The following NUP88 variants were observed in gnomAD, a reference collection of about 807,000 sequenced individuals.
NUP88 encodes nuclear pore complex protein Nup88.
Under a neutral mutation model 93.9 loss-of-function variants are expected in NUP88, and 57 were observed. The ratio of observed to expected loss-of-function variants is 0.61; its 90% confidence interval spans 0.49 to 0.76. The LOEUF (loss-of-function observed/expected upper bound fraction) is 0.76. Among genes scored for constraint, NUP88 ranks in the 30% least tolerant of loss-of-function variants. The probability of loss-of-function intolerance (pLI) is 0.00; values close to 1 mark genes in which losing one functional copy is unlikely to be tolerated. For synonymous variants in NUP88, 346 were observed against 336.8 expected (o/e 1.03, Z -0.30); for missense variants, 911 against 901.0 (o/e 1.01, Z -0.14).
rs557670327 is a variant in NUP88 at position 5,387,041 on chromosome 17, C to T, written c.1986G>A (p.Lys662=). Residue 662 remains lysine (K), a synonymous_variant, in exon 15 of 17, where the codon AAG becomes AAA. Transcript: ENST00000573584. The stretch of plus-strand genomic sequence containing the variant: ...GATCAGGTATCAGCTGTAATTCTTT[C>T]TTCATGTCTCGCTCACTATCAGAGA... The part of the protein sequence containing the change: ...PVLSDSERDM[K]KELQLIPDQL... The T allele has an allele frequency of 3.7e-5, 60 of 1,614,112 alleles. No individual in the cohort carries two copies. The Admixed American group carries it at 4.7e-4, about 13-fold the overall frequency.
In NUP88 at chr17:5,419,468, GACC is replaced by G. The variant is rs1324447511; in HGVS notation, c.180_182del (p.Val61del). The G allele has an allele frequency of 6.2e-7, 1 of 1,614,030 alleles. No individual in the cohort carries two copies. The highest frequency in any genetic ancestry group is 1.7e-5 in the Admixed American group (1 of 60,026). ...GGAAAAGCTCTCCGCCGAGGCCAAA[GACC>G]ACGTTTCTCGTCAGCAACTGCGGCG... On this transcript the variant is annotated inframe_deletion, in exon 1 of 17. Coordinates refer to ENST00000573584, the MANE Select transcript of NUP88 (RefSeq NM_002532.6).
At chr17:5,407,849 TTAC>T (rs1913587999) in intron 5 of NUP88, among the ~76,000 whole-genome samples, 1 of 152,210 alleles carries the variant, frequency 6.6e-6, no homozygotes, top group Non-Finnish European at 1.5e-5. Flanking sequence ...CTCTGTTCTA[TTAC>T]CACCCAAGTT....
chr17:5,413,820 T>C (rs963568544), intron 3 of NUP88, among the ~76,000 whole-genome samples, 189 bp downstream of exon 3: 2 of 152,164 alleles, frequency 1.3e-5, no homozygotes, highest in Admixed American at 6.5e-5. Flanking sequence ...GGAAGACTAG[T>C]TGAGAAGGAA....
chr17:5,394,746 ACT>A (rs1912663326), intron 9 of NUP88, 143 bp downstream of exon 9: 2 of 597,314 alleles, frequency 3.3e-6, no homozygotes, highest in East Asian at 6.0e-5. Flanking sequence ...TGAGCAGGAC[ACT>A]CTTAGGGGAG....
intron 1 of NUP88, among the ~76,000 whole-genome samples, chr17:5,418,875 C>A (rs1914382298): frequency 6.6e-6 from 1 of 152,156 alleles, no homozygotes; most frequent in African/African-American, 2.4e-5. Flanking sequence ...TTGGGTATGG[C>A]TTTATTTTCT....
At chr17:5,392,816 G>T (rs982656926) in intron 9 of NUP88, among the ~76,000 whole-genome samples, 1 of 152,140 alleles carries the variant, frequency 6.6e-6, no homozygotes, top group African/African-American at 2.4e-5. Flanking sequence ...TTGAGATAGG[G>T]TCTCACTCTG....
intron 9 of NUP88, among the ~76,000 whole-genome samples, chr17:5,393,493 G>C (rs1447480511): frequency 6.9e-6 from 1 of 144,636 alleles, no homozygotes; most frequent in Non-Finnish European, 1.5e-5. Context: ...CTGGAGTGCA[G>C]TGGCATGATC....
intron 7 of NUP88, 92 bp from the exon 8 acceptor site, chr17:5,399,742 A>G (rs891521146): frequency 8.4e-6 from 5 of 596,828 alleles, no homozygotes; most frequent in Non-Finnish European, 1.2e-5. Context: ...ATTAGCCTAC[A>G]AACGCATTTG....
At chr17:5,392,046 C>T (rs1912473474) in intron 9 of NUP88, among the ~76,000 whole-genome samples, 1 of 152,226 alleles carries the variant, frequency 6.6e-6, no homozygotes, top group African/African-American at 2.4e-5. Context: ...CTCAATGAGG[C>T]CCAATGTCAA....
At chr17:5,402,306 TCAA>T (rs1393040459) in intron 7 of NUP88, among the ~76,000 whole-genome samples, 1 of 111,792 alleles carries the variant, frequency 8.9e-6, no homozygotes, top group African/African-American at 3.2e-5. Flanking sequence ...AAACTCCATC[TCAA>T]AAAAAAAAAC....
At chr17:5,410,829 TG>T (rs1913799381) in intron 3 of NUP88, 40 bp from the exon 4 acceptor site, 2 of 1,356,938 alleles carry the variant, frequency 1.5e-6, no homozygotes, top group Non-Finnish European at 2.1e-6. Context: ...CTTAAAATTC[TG>T]TTTTCATTTC....
intron 3 of NUP88, among the ~76,000 whole-genome samples, chr17:5,413,737 G>A (rs567402526): frequency 6.6e-6 from 1 of 152,250 alleles, no homozygotes; most frequent in African/African-American, 2.4e-5. Context: ...TTACCAAAAG[G>A]GTGACAATGA....
chr17:5,401,461 G>A (rs1398569096), intron 7 of NUP88, among the ~76,000 whole-genome samples: 1 of 151,978 alleles, frequency 6.6e-6, no homozygotes. Flanking sequence ...CTGATAAAAT[G>A]GCAACAATAA....
rs1274873534 is a variant in NUP88, at chr17:5,399,550, A to C, written c.1291+2T>G. The C allele has an allele frequency of 1.2e-5, 18 of 1,536,828 alleles. No individual in the cohort carries two copies. Among genetic ancestry groups the C allele is most frequent in the Non-Finnish European group, 1.5e-5 (17 of 1,112,594 alleles). ...AAAAGTGCAGAGAGTTAGTAAACTC[A>C]CCTGATCCAAGAAATTTGTGAAGTT... On this transcript the variant is annotated splice_donor_variant, in intron 8 of 16. Transcript: ENST00000573584. LOFTEE classifies it high-confidence loss of function.
chr17:5,410,085 T>G (rs947340572), intron 4 of NUP88, among the ~76,000 whole-genome samples: 2 of 152,222 alleles, frequency 1.3e-5, no homozygotes, highest in Non-Finnish European at 2.9e-5. Context: ...AGTAGAATGA[T>G]CTGATTAAAC....
intron 3 of NUP88, among the ~76,000 whole-genome samples, chr17:5,413,664 G>A (rs1913972393): frequency 1.3e-5 from 2 of 152,138 alleles, no homozygotes; most frequent in Non-Finnish European, 1.5e-5. Flanking sequence ...CAGAAAAGGA[G>A]GTGGGACAAT....
chr17:5,399,499 A>T, intron 8 of NUP88, 53 bp downstream of exon 8: 1 of 904,340 alleles, frequency 1.1e-6, no homozygotes, highest in Non-Finnish European at 1.8e-6. Context: ...AAATCTATTA[A>T]ATCTATTTTT....
chr17:5,411,598 C>G (rs1233394602), intron 3 of NUP88, among the ~76,000 whole-genome samples: 1 of 145,668 alleles, frequency 6.9e-6, no homozygotes, highest in Non-Finnish European at 1.5e-5. Context: ...AAAAAAAAAA[C>G]CAAACAAACA....
intron 8 of NUP88, among the ~76,000 whole-genome samples, chr17:5,397,844 A>T (rs1912873558): frequency 6.6e-6 from 1 of 151,758 alleles, no homozygotes; most frequent in South Asian, 2.1e-4. Flanking sequence ...AGGCTGCTAG[A>T]TTTTTTTTAA....
Sources: gnomAD v4.1 joint callset for allele counts (sites outside exome capture counted in the v4.1 genomes callset) on GRCh38, gnomAD v4.1.1 for gene constraint, MANE v1.5 for transcripts, NCBI Gene and HGNC (gene_info 2026-07-23, HGNC 2026-07-21) for gene names.